GRAMD1B: variants seen among roughly 807,000 people sequenced by gnomAD.
The protein encoded by GRAMD1B is GRAM domain containing 1B.
A neutral mutation model predicts 99.7 loss-of-function variants in GRAMD1B; 37 were observed. That is an observed-to-expected ratio of 0.37 (90% confidence interval 0.29 to 0.49). GRAMD1B has a LOEUF of 0.49. GRAMD1B is among the 20% of genes least tolerant of loss of function. GRAMD1B has a pLI of 0.98. For synonymous variants in GRAMD1B, 427 were observed against 387.6 expected, an observed-to-expected ratio of 1.10 and a Z score of -1.19; for missense variants, 888 against 1,009.2, an observed-to-expected ratio of 0.88 and a Z score of 1.63.
intron 1 of GRAMD1B, among the ~76,000 whole-genome samples, chr11:123,417,591 T>A (rs993658144): frequency 6.6e-6 from 1 of 152,096 alleles, no homozygotes; most frequent in Non-Finnish European, 1.5e-5. Flanking sequence ...ATTATACAAA[T>A]GTAGTAAATG....
rs1367445628 is a variant in GRAMD1B, at chr11:123,494,397, T to C, written c.452+13504T>C. The stretch of plus-strand genomic sequence containing the variant: ...ATATGCTTAGGGGGTCACATGGTCT[T>C]GTGGAAGACAGCACTTAAGGCCTTT... On this transcript the variant is annotated intron_variant, in intron 2 of 19. Transcript: ENST00000635736. Among the ~76,000 whole-genome samples the C allele has an allele frequency of 2.6e-5, 4 of 152,044 alleles. No homozygotes were observed. The East Asian group carries it at 7.7e-4, about 29-fold the overall frequency.
At chr11:123,508,128 C>T (rs1409360990) in intron 2 of GRAMD1B, among the ~76,000 whole-genome samples, 1 of 152,106 alleles carries the variant, frequency 6.6e-6, no homozygotes, top group Non-Finnish European at 1.5e-5. Flanking sequence ...AACAGAACAC[C>T]ACAGGCTGAG....
intron 2 of GRAMD1B, among the ~76,000 whole-genome samples, chr11:123,535,215 A>T (rs778406181): frequency 1.3e-5 from 2 of 150,516 alleles, no homozygotes; most frequent in Non-Finnish European, 3.0e-5. Flanking sequence ...AATTACAATC[A>T]TGATGCTTCT....
Position 123,605,331 on chromosome 11 carries a change from A to G in GRAMD1B, c.1176A>G (p.Glu392=). The G allele has an allele frequency of 6.2e-7, 1 of 1,609,116 alleles. No individual in the cohort carries two copies. Among genetic ancestry groups the G allele is most frequent in the Non-Finnish European group, 8.5e-7 (1 of 1,176,846 alleles). The part of the protein sequence containing the change: ...DDDFNTMGYC[E]EIPVEENEVN... ...TGGTGTCTCCTCTCAGATACTGTGA[A>G]GAGATCCCTGTGGAAGAGAATGAAG... Residue 392 remains glutamate, a synonymous_variant, in exon 10 of 20, where the codon GAA becomes GAG. Coordinates refer to ENST00000635736, the MANE Select transcript of GRAMD1B (RefSeq NM_001387025.1).
At chr11:123,550,840 ACT>A (rs897129852) in intron 2 of GRAMD1B, among the ~76,000 whole-genome samples, 22 of 152,138 alleles carry the variant, frequency 1.4e-4, no homozygotes, top group African/African-American at 5.3e-4. Context: ...AGGGGCCGGG[ACT>A]CTCTAGAAAT....
chr11:123,624,178 C>T lies in GRAMD1B; in HGVS notation c.*1583C>T, dbSNP rs1955368000. ...GGTCTTCAGTCTTGCTTATTCTTCT[C>T]CTGGGCTTCTTGACACAGGGGCAGA... is the stretch of plus-strand genomic sequence containing the variant. On this transcript the variant is annotated 3_prime_UTR_variant, in exon 20 of 20. Transcript: ENST00000635736. 6.6e-6 allele frequency: 1 copy of T among 152,202 alleles called. No individual in the cohort carries two copies. Among genetic ancestry groups the T allele is most frequent in the African/African-American group, 2.4e-5 (1 of 41,444 alleles). 9.4% of individuals were successfully genotyped at this position (152,202 alleles called of 1,614,324 possible).
chr11:123,600,806 C>T (rs1951850687), intron 8 of GRAMD1B, among the ~76,000 whole-genome samples: 1 of 152,116 alleles, frequency 6.6e-6, no homozygotes, highest in Non-Finnish European at 1.5e-5. Flanking sequence ...GTAATGCATG[C>T]AGCCCTGAAG....
At chr11:123,617,828 G>T (rs1051528809) in intron 17 of GRAMD1B, among the ~76,000 whole-genome samples, 1 of 151,476 alleles carries the variant, frequency 6.6e-6, no homozygotes, top group East Asian at 1.9e-4. Flanking sequence ...GAGGCTGAGA[G>T]AAGGAGAGAA....
intron 14 of GRAMD1B, among the ~76,000 whole-genome samples, chr11:123,612,068 C>T (rs1953671257): frequency 6.6e-6 from 1 of 151,742 alleles, no homozygotes; most frequent in African/African-American, 2.4e-5. Flanking sequence ...AGGCAGGAGC[C>T]AGGGCTGGCA....
At chr11:123,435,839 A>G (rs1949131987) in intron 1 of GRAMD1B, 1 of 181,734 alleles carries the variant, frequency 5.5e-6, no homozygotes, top group African/African-American at 2.3e-5. Context: ...CACCTATTTA[A>G]AGCATAATTC....
intron 1 of GRAMD1B, among the ~76,000 whole-genome samples, chr11:123,480,032 T>A (rs1951504141): frequency 6.6e-6 from 1 of 152,158 alleles, no homozygotes; most frequent in Non-Finnish European, 1.5e-5. Context: ...TAAAAATGAT[T>A]TGTTCATCAG....
chr11:123,618,079 C>T (rs1277820457), intron 17 of GRAMD1B, among the ~76,000 whole-genome samples: 1 of 152,188 alleles, frequency 6.6e-6, no homozygotes, highest in African/African-American at 2.4e-5. Flanking sequence ...TTCAGTCTCA[C>T]CCTTCAGTTA....
intron 2 of GRAMD1B, among the ~76,000 whole-genome samples, chr11:123,537,948 T>G (rs182316374): frequency 4.3e-4 from 66 of 152,360 alleles, no homozygotes; most frequent in African/African-American, 1.5e-3. Context: ...AGTGTGTTTC[T>G]AGGCATAAGT....
At chr11:123,412,027 C>T (rs1315495939) in intron 1 of GRAMD1B, among the ~76,000 whole-genome samples, 1 of 151,948 alleles carries the variant, frequency 6.6e-6, no homozygotes, top group East Asian at 1.9e-4. Flanking sequence ...TATATAAATA[C>T]ATGTGTTGTA....
chr11:123,445,910 A>C (rs982888231), intron 1 of GRAMD1B, among the ~76,000 whole-genome samples: 36 of 151,616 alleles, frequency 2.4e-4, no homozygotes, highest in African/African-American at 7.7e-4. Context: ...ATATCTTTTT[A>C]TGTTTTCAAG....
At chr11:123,530,931 T>C (rs565342810) in intron 2 of GRAMD1B, among the ~76,000 whole-genome samples, 1 of 152,180 alleles carries the variant, frequency 6.6e-6, no homozygotes, top group Non-Finnish European at 1.5e-5. Context: ...TGGTGGTGGT[T>C]TTGAAAGTGG....
intron 1 of GRAMD1B, among the ~76,000 whole-genome samples, chr11:123,386,328 C>T (rs1306038375): frequency 3.9e-5 from 6 of 152,126 alleles, no homozygotes; most frequent in Non-Finnish European, 8.8e-5. Context: ...TGAGAGAATC[C>T]AGGAAGACCT....
rs138259745 is a variant in GRAMD1B at position 123,469,666 on chromosome 11, A to G, written c.375-11150A>G. On this transcript the variant is annotated intron_variant, in intron 1 of 19. Transcript: ENST00000635736. ...CAACTATACGATACTAAAAATAAGT[A>G]TTATTTTTAATTTTTTTCTTGTCCT... Among the ~76,000 whole-genome samples the G allele has an allele frequency of 6.9e-3, 1,047 of 152,092 alleles. 7 individuals carry two copies. Among genetic ancestry groups the G allele is most frequent in the Non-Finnish European group, 0.01 (682 of 67,956 alleles).
Position 123,597,256 on chromosome 11 carries a change from CTTTTTTTTTTTTTT to C in GRAMD1B, c.969+1236_969+1249del, listed in dbSNP as rs71060518. On this transcript the variant is annotated intron_variant, in intron 7 of 19. Transcript: ENST00000635736. ...GGGACTACAGTGCATGCCACTATGC[CTTTTTTTTTTTTTT>C]TTTTTTTTTTTTTTTTAAGAGACAG... Among the ~76,000 whole-genome samples the C allele has an allele frequency of 5.0e-3, 382 of 76,590 alleles. 8 individuals carry two copies. Among genetic ancestry groups the C allele is most frequent in the South Asian group, 0.024 (52 of 2,182 alleles). The allele number at this position is 76,590 out of a possible 152,430, so 50.2% of individuals were successfully genotyped here.
Sources: allele counts gnomAD v4.1 joint callset (sites outside exome capture counted in the v4.1 genomes callset), GRCh38; gene constraint gnomAD v4.1.1; transcripts MANE v1.5; gene names NCBI Gene and HGNC (gene_info 2026-07-23, HGNC 2026-07-21).